AIDA: variants seen among roughly 807,000 people sequenced by gnomAD.
AIDA encodes the protein axin interactor, dorsalization-associated protein.
In AIDA, 18 loss-of-function variants were observed where a neutral mutation model predicts 42.7. The observed-to-expected ratio is 0.42, with a 90% CI of 0.29 to 0.63. AIDA has a LOEUF of 0.63. Ranked by LOEUF, AIDA falls within the 20% of genes least tolerant of loss-of-function variation. The probability of loss-of-function intolerance (pLI) is 0.19; values close to 1 mark genes in which losing one functional copy is unlikely to be tolerated. For synonymous variants in AIDA, 104 were observed against 122.9 expected (o/e 0.85, Z 1.02); for missense variants, 250 against 354.1 (o/e 0.71, Z 2.36).
intron 6 of AIDA, among the ~76,000 whole-genome samples, chr1:222,684,413 A>G (rs750833881): frequency 1.3e-5 from 2 of 152,082 alleles, no homozygotes; most frequent in Non-Finnish European, 2.9e-5. Flanking sequence ...TGCCCAGCCA[A>G]GTGAATTTCA....
chr1:222,694,387 T>G (rs752570855), intron 2 of AIDA, 124 bp from the exon 3 acceptor site: 9 of 860,026 alleles, frequency 1.0e-5, no homozygotes, highest in African/African-American at 5.2e-5. Context: ...TTTATTTCTT[T>G]CTAGCATCTT....
intron 2 of AIDA, among the ~76,000 whole-genome samples, chr1:222,698,296 G>C (rs1655577227): frequency 2.0e-5 from 3 of 152,044 alleles, no homozygotes; most frequent in African/African-American, 7.2e-5. Context: ...TTTAGAGCTT[G>C]TTAGACTTAA....
At chr1:222,709,983 A>G (rs930990430) in intron 1 of AIDA, among the ~76,000 whole-genome samples, 4 of 152,116 alleles carry the variant, frequency 2.6e-5, no homozygotes, top group African/African-American at 9.7e-5. Flanking sequence ...TTGTATGGCG[A>G]TAAGATTGCT....
chr1:222,702,778 A>G (rs1414862630), intron 2 of AIDA, among the ~76,000 whole-genome samples: 2 of 152,252 alleles, frequency 1.3e-5, no homozygotes, highest in Non-Finnish European at 2.9e-5. Flanking sequence ...GCAATTACCC[A>G]CAATCTTTCT....
chr1:222,683,648 T>C (rs561678562), intron 6 of AIDA, among the ~76,000 whole-genome samples: 1 of 152,232 alleles, frequency 6.6e-6, no homozygotes, highest in Non-Finnish European at 1.5e-5. Context: ...TAAAGTTGTG[T>C]CTTGGCTATT....
chr1:222,709,059 A>C (rs1373881606), intron 1 of AIDA, among the ~76,000 whole-genome samples: 1 of 152,152 alleles, frequency 6.6e-6, no homozygotes, highest in Admixed American at 6.5e-5. Context: ...CCTGCAACAT[A>C]AGCCCATACT....
At chr1:222,680,039 C>T (rs1664626615) in intron 6 of AIDA, among the ~76,000 whole-genome samples, 2 of 152,210 alleles carry the variant, frequency 1.3e-5, no homozygotes, top group African/African-American at 4.8e-5. Context: ...TCTATCAATG[C>T]ACTGCCTTTA....
chr1:222,694,798 C>T (rs540349395), intron 2 of AIDA, among the ~76,000 whole-genome samples: 1 of 152,224 alleles, frequency 6.6e-6, no homozygotes, highest in South Asian at 2.1e-4. Flanking sequence ...AATGATAGGG[C>T]ATAGATAGTG....
intron 4 of AIDA, among the ~76,000 whole-genome samples, chr1:222,689,520 T>TATATATACATACAC (rs765351898): frequency 5.2e-5 from 3 of 58,102 alleles, no homozygotes; most frequent in Non-Finnish European, 7.6e-5. Flanking sequence ...TATATATATA[T>TATATATACATACAC]ACACACATAC....
At chr1:222,702,841 A>G (rs191670271) in intron 2 of AIDA, among the ~76,000 whole-genome samples, 2 of 152,364 alleles carry the variant, frequency 1.3e-5, no homozygotes, top group Admixed American at 6.5e-5. Flanking sequence ...CCCAGTCTTC[A>G]CCAAAGTGTG....
intron 6 of AIDA, among the ~76,000 whole-genome samples, chr1:222,678,394 T>C (rs1013013276): frequency 1.3e-5 from 2 of 152,144 alleles, no homozygotes; most frequent in African/African-American, 4.8e-5. Flanking sequence ...GTTCTTTTTA[T>C]GATAGACTAT....
At chr1:222,676,499 C>T (rs1313278956) in intron 6 of AIDA, among the ~76,000 whole-genome samples, 2 of 152,178 alleles carry the variant, frequency 1.3e-5, no homozygotes, top group Non-Finnish European at 2.9e-5. Context: ...TAAATTACCA[C>T]ATAATTAATA....
At chr1:222,680,669 C>G (rs964065997) in intron 6 of AIDA, among the ~76,000 whole-genome samples, 3 of 152,114 alleles carry the variant, frequency 2.0e-5, no homozygotes, top group Non-Finnish European at 4.4e-5. Flanking sequence ...AGCAATGGAT[C>G]CAACAAAATC....
chr1:222,671,454 G>A (rs544358045), intron 8 of AIDA, among the ~76,000 whole-genome samples: 17 of 152,308 alleles, frequency 1.1e-4, no homozygotes, highest in Admixed American at 1.0e-3. Context: ...AGCAGTCCAG[G>A]AGCTTGGCTT....
chr1:222,677,884 A>G (rs968655629), intron 6 of AIDA, among the ~76,000 whole-genome samples: 2 of 152,162 alleles, frequency 1.3e-5, no homozygotes, highest in Non-Finnish European at 2.9e-5. Context: ...AAAACACCTC[A>G]ATAGAGAACC....
intron 7 of AIDA, among the ~76,000 whole-genome samples, chr1:222,673,929 C>T (rs914799416): frequency 6.6e-6 from 1 of 151,472 alleles, no homozygotes; most frequent in Non-Finnish European, 1.5e-5. Context: ...ACTAAAAATA[C>T]AAAAAAAATT....
At chr1:222,673,246 A>T in intron 8 of AIDA, 67 bp downstream of exon 8, 2 of 1,446,192 alleles carry the variant, frequency 1.4e-6, no homozygotes, top group South Asian at 3.0e-5. Context: ...GGTCCACCAT[A>T]TGTACAAACA....
chr1:222,688,506 T>C (rs915212309), intron 4 of AIDA, among the ~76,000 whole-genome samples: 27 of 152,206 alleles, frequency 1.8e-4, no homozygotes, highest in African/African-American at 6.5e-4. Context: ...TAAACTGTAC[T>C]TTTTATAGTA....
intron 1 of AIDA, among the ~76,000 whole-genome samples, chr1:222,706,712 A>T (rs1169840253): frequency 6.6e-6 from 1 of 152,066 alleles, no homozygotes; most frequent in East Asian, 1.9e-4. Flanking sequence ...CTACAAAAAA[A>T]TACAAAAATT....
Sources: gnomAD v4.1 joint callset for allele counts (sites outside exome capture counted in the v4.1 genomes callset) on GRCh38, gnomAD v4.1.1 for gene constraint, MANE v1.5 for transcripts, NCBI Gene and HGNC (gene_info 2026-07-23, HGNC 2026-07-21) for gene names.